IQCM: variants seen among roughly 807,000 people sequenced by gnomAD.
IQCM encodes IQ domain-containing protein M.
Under a neutral mutation model 57.6 loss-of-function variants are expected in IQCM, and 45 were observed. The ratio of observed to expected loss-of-function variants is 0.78; its 90% CI spans 0.62 to 1.00. IQCM has a LOEUF of 1.00. IQCM is among the 50% of genes least tolerant of loss of function. IQCM has a pLI of 0.00. For missense variants in IQCM, 468 were observed against 511.6 expected (o/e 0.91, Z 0.82); for synonymous variants, 148 against 158.9 (o/e 0.93, Z 0.51).
At chr4:149,483,070 A>G (rs551433101) in intron 12 of IQCM, among the ~76,000 whole-genome samples, 1 of 152,048 alleles carries the variant, frequency 6.6e-6, no homozygotes, top group South Asian at 2.1e-4. Flanking sequence ...TGTTCATAGT[A>G]GTCACTAACA....
At chr4:149,708,973 C>G (rs1764361352) in intron 5 of IQCM, among the ~76,000 whole-genome samples, 1 of 152,052 alleles carries the variant, frequency 6.6e-6, no homozygotes, top group South Asian at 2.1e-4. Context: ...GTTTTTGTGA[C>G]TCATTGCAAA....
At chr4:149,431,496 A>T in intron 13 of IQCM, among the ~76,000 whole-genome samples, 1 of 151,956 alleles carries the variant, frequency 6.6e-6, no homozygotes. Flanking sequence ...ATTTTAAAAC[A>T]TTTTACTTAT....
chr4:149,400,148 G>T (rs570705493), intron 13 of IQCM, among the ~76,000 whole-genome samples: 1 of 150,496 alleles, frequency 6.6e-6, no homozygotes, highest in Non-Finnish European at 1.5e-5. Context: ...CACTATTATG[G>T]TCAATGAGAG....
chr4:149,708,612 G>C (rs1017290605), intron 5 of IQCM, among the ~76,000 whole-genome samples: 2 of 151,938 alleles, frequency 1.3e-5, no homozygotes, highest in Admixed American at 1.3e-4. Context: ...TCCTGATTAG[G>C]ATCATTTTCC....
intron 13 of IQCM, among the ~76,000 whole-genome samples, chr4:149,374,998 T>TGTG (rs10699278): frequency 0.081 from 10,772 of 132,398 alleles, 459 homozygotes; most frequent in Non-Finnish European, 0.12. Context: ...TGTGTGTGTG[T>TGTG]TGTGTGTGTG....
At chr4:149,709,216 A>C (rs1355706385) in intron 5 of IQCM, among the ~76,000 whole-genome samples, 1 of 152,126 alleles carries the variant, frequency 6.6e-6, no homozygotes, top group East Asian at 1.9e-4. Context: ...AAACTAGAAC[A>C]TTAGCTTTCA....
At chr4:149,542,990 C>A (rs1748007177) in intron 12 of IQCM, among the ~76,000 whole-genome samples, 1 of 151,656 alleles carries the variant, frequency 6.6e-6, no homozygotes, top group Non-Finnish European at 1.5e-5. Context: ...GAGCCATGCT[C>A]TAAATCTAAG....
chr4:149,680,623 A>G (rs1485003735), intron 7 of IQCM, among the ~76,000 whole-genome samples: 2 of 151,388 alleles, frequency 1.3e-5, no homozygotes, highest in African/African-American at 4.8e-5. Context: ...ATGCACTGGA[A>G]TAAGTATAAG....
In IQCM at chr4:149,526,375, A is replaced by G. The variant is rs187381559; in HGVS notation, c.1228+22080T>C. ...ATTCCAGACAGTGTAATAAACAATG[A>G]CCATAAACATGTACTTTCATATGCA... On this transcript the variant is annotated intron_variant, in intron 12 of 13. Coordinates refer to ENST00000636793, the MANE Select transcript of IQCM (RefSeq NM_001363507.2). 3.3e-5 allele frequency among the ~76,000 whole-genome samples: 5 copies of G among 152,146 alleles called. No individual in the cohort carries two copies. In the East Asian group the frequency reaches 5.8e-4, roughly 18 times the overall value.
At chr4:149,732,337 T>C (rs1331384437) in intron 5 of IQCM, among the ~76,000 whole-genome samples, 1 of 152,274 alleles carries the variant, frequency 6.6e-6, no homozygotes, top group South Asian at 2.1e-4. Context: ...CATCTTCTGT[T>C]TCCATCCTAC....
intron 2 of IQCM, among the ~76,000 whole-genome samples, chr4:149,778,115 G>A (rs554808808): frequency 4.1e-4 from 63 of 152,300 alleles, no homozygotes; most frequent in Middle Eastern, 3.4e-3. Context: ...GGTGGCTCAC[G>A]CCTGTAATCC....
intron 13 of IQCM, among the ~76,000 whole-genome samples, chr4:149,355,794 T>A (rs1728931369): frequency 6.6e-6 from 1 of 152,114 alleles, no homozygotes; most frequent in Non-Finnish European, 1.5e-5. Flanking sequence ...GTATTTCTAG[T>A]TCTAGATCCC....
intron 12 of IQCM, among the ~76,000 whole-genome samples, chr4:149,499,083 AT>A (rs1158932647): frequency 6.6e-6 from 1 of 152,186 alleles, no homozygotes; most frequent in Non-Finnish European, 1.5e-5. Flanking sequence ...ATAAATAGAA[AT>A]AAAGTTTGAG....
intron 13 of IQCM, among the ~76,000 whole-genome samples, chr4:149,375,082 C>T (rs943821525): frequency 6.6e-6 from 1 of 151,744 alleles, no homozygotes; most frequent in African/African-American, 2.4e-5. Context: ...AGTTAAATAG[C>T]TCAGTAACTT....
chr4:149,356,589 GTT>G (rs1729003899), intron 13 of IQCM, among the ~76,000 whole-genome samples: 2 of 152,108 alleles, frequency 1.3e-5, no homozygotes, highest in African/African-American at 4.8e-5. Flanking sequence ...GCTCTGTTCT[GTT>G]TCATTGGTCT....
chr4:149,814,531 CA>C (rs79709038), intron 2 of IQCM, among the ~76,000 whole-genome samples: 5 of 151,120 alleles, frequency 3.3e-5, no homozygotes, highest in Admixed American at 2.0e-4. Flanking sequence ...TTAATCATTC[CA>C]AAAAAAATAG....
chr4:149,792,691 G>A (rs74762973), intron 2 of IQCM, among the ~76,000 whole-genome samples: 6,516 of 152,080 alleles, frequency 0.043, 496 homozygotes, highest in East Asian at 0.21. Context: ...AGTATTCGAC[G>A]TGTTTATAAA....
Position 149,375,394 on chromosome 4 carries a change from C to A in IQCM, c.1391-23328G>T, listed in dbSNP as rs991332870. ...GAGAGATCAAGAACTATGTCTAAGT[C>A]CCAGACACCATGATCAAATCAGAGA... is the stretch of plus-strand genomic sequence containing the variant. On this transcript the variant is annotated intron_variant, in intron 13 of 13. Transcript: ENST00000636793. Among the ~76,000 whole-genome samples, 3 of 152,034 alleles carry A rather than the reference C, an allele frequency of 2.0e-5. No individual in the cohort carries two copies. The South Asian group carries it at 6.2e-4, about 32-fold the overall frequency.
chr4:149,808,366 A>G (rs1419796531), intron 2 of IQCM, among the ~76,000 whole-genome samples: 1 of 152,172 alleles, frequency 6.6e-6, no homozygotes, highest in Non-Finnish European at 1.5e-5. Flanking sequence ...AGTGTGTCTC[A>G]TGGAGATAGA....
Sources: gnomAD v4.1 joint callset for allele counts (sites outside exome capture counted in the v4.1 genomes callset) on GRCh38, gnomAD v4.1.1 for gene constraint, MANE v1.5 for transcripts, NCBI Gene and HGNC (gene_info 2026-07-23, HGNC 2026-07-21) for gene names.